ZFAND4: variants seen among roughly 807,000 people sequenced by gnomAD.
The protein encoded by ZFAND4 is zinc finger AN1-type containing 4.
A neutral mutation model predicts 64.4 loss-of-function variants in ZFAND4; 43 were observed. The ratio of observed to expected loss-of-function variants is 0.67; its 90% CI spans 0.52 to 0.86. ZFAND4 has a LOEUF of 0.86. Among genes scored for constraint, ZFAND4 ranks in the 40% least tolerant of loss-of-function variants. The pLI is 0.00. For missense variants in ZFAND4, 929 were observed against 859.8 expected (o/e 1.08, Z -1.01); for synonymous variants, 296 against 305.7 (o/e 0.97, Z 0.33).
chr10:45,620,376 G>A (rs1037919260), intron 8 of ZFAND4, among the ~76,000 whole-genome samples: 6 of 152,062 alleles, frequency 3.9e-5, no homozygotes, highest in Non-Finnish European at 8.8e-5. Flanking sequence ...AGCTACTCAG[G>A]AGGCTGAAGC....
At position 45,626,862 on chromosome 10, in the gene ZFAND4, T is replaced by G. The variant is rs764947534; in HGVS notation, c.961A>C (p.Asn321His). The G allele has an allele frequency of 6.2e-7, 1 of 1,614,220 alleles. No homozygotes were observed. The highest frequency in any genetic ancestry group is 1.1e-5 in the South Asian group (1 of 91,080). Residue 321 changes from asparagine to histidine, a missense_variant, in exon 7 of 10, where the codon AAT becomes CAT. By Grantham distance (68) the Asn-to-His change is moderately conservative (BLOSUM62 1). Coordinates refer to ENST00000344646, the MANE Select transcript of ZFAND4 (RefSeq NM_174890.4). ...GACAGTGTGTTATTCTCCCAGCTATTATCTTCCTTAAGAAATTCACCAGTG... is the reference window on the plus strand; with the variant it reads ...GACAGTGTGTTATTCTCCCAGCTATGATCTTCCTTAAGAAATTCACCAGTG... ...SITGEFLKED[N>H]SWENNTLSHF...
chr10:45,666,703 TAG>T (rs1312137143), intron 1 of ZFAND4, among the ~76,000 whole-genome samples: 2 of 152,236 alleles, frequency 1.3e-5, no homozygotes, highest in African/African-American at 4.8e-5. Flanking sequence ...TGGTGTGAGG[TAG>T]AGTCTAACTT....
intron 2 of ZFAND4, among the ~76,000 whole-genome samples, chr10:45,658,669 C>G (rs542459771): frequency 2.0e-5 from 3 of 152,020 alleles, no homozygotes; most frequent in Non-Finnish European, 2.9e-5. Flanking sequence ...TTACAAAGCC[C>G]TTAAAGAACT....
intron 6 of ZFAND4, among the ~76,000 whole-genome samples, chr10:45,633,749 C>CA (rs2046373174): frequency 6.6e-6 from 1 of 151,824 alleles, no homozygotes; most frequent in African/African-American, 2.4e-5. Flanking sequence ...GTATTCCTAC[C>CA]AAAAATGTTC....
chr10:45,640,007 C>A, intron 5 of ZFAND4, 44 bp from the exon 6 acceptor site: 1 of 1,567,056 alleles, frequency 6.4e-7, no homozygotes, highest in Middle Eastern at 2.3e-4. Flanking sequence ...CTGATACCTG[C>A]TCAGTGACTA....
chr10:45,634,434 G>A (rs2046416863), intron 6 of ZFAND4, among the ~76,000 whole-genome samples: 1 of 151,262 alleles, frequency 6.6e-6, no homozygotes, highest in East Asian at 1.9e-4. Flanking sequence ...GAAGCTGAGG[G>A]AGGAGAATCG....
At chr10:45,640,393 G>C (rs2046902967) in intron 5 of ZFAND4, 1 of 1,119,084 alleles carries the variant, frequency 8.9e-7, no homozygotes, top group Non-Finnish European at 1.1e-6. Flanking sequence ...GAGAAGTACA[G>C]ATTTTTAGTC....
At position 45,626,013 on chromosome 10, in the gene ZFAND4, G is replaced by C; in HGVS notation, c.1810C>G (p.His604Asp). ...SGTGLSTNLQHFQEENFRKSS... is the reference protein window; with the variant it reads ...SGTGLSTNLQDFQEENFRKSS... The stretch of plus-strand genomic sequence containing the variant: ...TTCCTAAAGTTTTCTTCCTGAAAAT[G>C]CTGGAGGTTTGTAGACAGCCCAGTT... Residue 604 changes from histidine (H) to aspartate (D), a missense_variant, in exon 7 of 10, where the codon CAT becomes GAT. Transcript: ENST00000344646. 6 of 1,614,148 alleles carry C rather than the reference G, an allele frequency of 3.7e-6. No homozygotes were observed. The highest frequency in any genetic ancestry group is 4.2e-6 in the Non-Finnish European group (5 of 1,180,022).
chr10:45,670,916 A>C (rs559139336), intron 1 of ZFAND4, among the ~76,000 whole-genome samples: 28 of 152,344 alleles, frequency 1.8e-4, no homozygotes, highest in African/African-American at 6.3e-4. Flanking sequence ...ATGGGAAAAA[A>C]ATTTTGCAAT....
chr10:45,618,399 A>C, intron 8 of ZFAND4, 139 bp from the exon 9 acceptor site: 1 of 1,075,102 alleles, frequency 9.3e-7, no homozygotes, highest in Non-Finnish European at 1.3e-6. Context: ...TTTTATATCT[A>C]AAATTACTTA....
chr10:45,647,662 T>A (rs1314606605), intron 5 of ZFAND4, among the ~76,000 whole-genome samples: 1 of 152,156 alleles, frequency 6.6e-6, no homozygotes, highest in Non-Finnish European at 1.5e-5. Context: ...ATACTCTTCA[T>A]AGCAGACTGC....
intron 6 of ZFAND4, among the ~76,000 whole-genome samples, chr10:45,631,381 AAC>A (rs1319267875): frequency 2.4e-4 from 36 of 150,768 alleles, no homozygotes; most frequent in African/African-American, 8.2e-4. Flanking sequence ...AAAAAAAAAA[AAC>A]ATATAAATTC....
At position 45,646,067 on chromosome 10, in the gene ZFAND4, A is replaced by C. The variant is rs183111865; in HGVS notation, c.569+2227T>G. On this transcript the variant is annotated intron_variant, in intron 5 of 9. Transcript: ENST00000344646. ...GTGAACTTTTGCAATTGACTTTGCA[A>C]ATTTGATGGGCAACACTAACTTTCC... Among the ~76,000 whole-genome samples the C allele has an allele frequency of 1.7e-3, 259 of 152,312 alleles. 3 individuals carry two copies. In the South Asian group the frequency reaches 0.029, roughly 17 times the overall value.
At chr10:45,619,838 A>T (rs938534036) in intron 8 of ZFAND4, among the ~76,000 whole-genome samples, 3 of 152,188 alleles carry the variant, frequency 2.0e-5, no homozygotes, top group Non-Finnish European at 4.4e-5. Flanking sequence ...AGAGACTCCT[A>T]ATGGTGCCTG....
intron 5 of ZFAND4, among the ~76,000 whole-genome samples, chr10:45,641,126 C>T (rs1478571587): frequency 6.6e-6 from 1 of 152,174 alleles, no homozygotes; most frequent in Non-Finnish European, 1.5e-5. Flanking sequence ...TCTGAGTCTG[C>T]ACCAGGCACA....
In ZFAND4 at chr10:45,626,690, TTAC is replaced by T. The variant is rs764405749; in HGVS notation, c.1130_1132del (p.Ser377del). ...TTCTGAAGGTAAGACAATGTTCCCA[TTAC>T]TAGATGGCAAGTTTCCTAAAAAATG... On this transcript the variant is annotated inframe_deletion, in exon 7 of 10. Coordinates refer to ENST00000344646, the MANE Select transcript of ZFAND4 (RefSeq NM_174890.4). The T allele has an allele frequency of 1.9e-6, 3 of 1,614,214 alleles. No individual in the cohort carries two copies. The East Asian group carries it at 6.7e-5, about 36-fold the overall frequency.
chr10:45,654,733 A>C (rs1401477763), intron 2 of ZFAND4, among the ~76,000 whole-genome samples: 2 of 152,208 alleles, frequency 1.3e-5, no homozygotes, highest in East Asian at 3.8e-4. Context: ...ACAGAGTTTA[A>C]AGCAACAATA....
intron 6 of ZFAND4, among the ~76,000 whole-genome samples, chr10:45,630,765 A>G (rs2046150107): frequency 6.6e-6 from 1 of 151,858 alleles, no homozygotes; most frequent in Non-Finnish European, 1.5e-5. Flanking sequence ...AAACAGCCAA[A>G]AGAATAAAAA....
chr10:45,657,918 T>C (rs76121098), intron 2 of ZFAND4, among the ~76,000 whole-genome samples: 3,980 of 152,222 alleles, frequency 0.026, 173 homozygotes, highest in African/African-American at 0.089. Flanking sequence ...GTGGGTATGA[T>C]AGGGGCTTGG....
Sources: gnomAD v4.1 joint callset for allele counts (sites outside exome capture counted in the v4.1 genomes callset) on GRCh38, gnomAD v4.1.1 for gene constraint, MANE v1.5 for transcripts, NCBI Gene and HGNC (gene_info 2026-07-23, HGNC 2026-07-21) for gene names.